DGKB: variants seen among roughly 807,000 people sequenced by gnomAD.
DGKB encodes the protein 90 kDa diacylglycerol kinase.
A neutral mutation model predicts 114.3 loss-of-function variants in DGKB; 67 were observed. The ratio of observed to expected loss-of-function variants is 0.59; its 90% CI spans 0.48 to 0.72. The LOEUF is 0.72. DGKB is among the 30% of genes least tolerant of loss of function. The pLI is 0.00. For missense variants in DGKB, 907 were observed against 975.2 expected, an observed-to-expected ratio of 0.93 and a Z score of 0.93; for synonymous variants, 398 against 323.1, an observed-to-expected ratio of 1.23 and a Z score of -2.49.
chr7:14,646,575 T>G (rs143178297), intron 13 of DGKB, among the ~76,000 whole-genome samples: 1 of 152,166 alleles, frequency 6.6e-6, no homozygotes. Flanking sequence ...TTTGCAAGGA[T>G]AGACTGTATC....
chr7:14,279,379 C>A (rs925032316), intron 23 of DGKB, among the ~76,000 whole-genome samples: 1 of 152,070 alleles, frequency 6.6e-6, no homozygotes, highest in Non-Finnish European at 1.5e-5. Context: ...TGGAGCCCAC[C>A]ACAGCTCAAG....
chr7:14,198,021 G>T (rs1785271365), intron 23 of DGKB, among the ~76,000 whole-genome samples: 2 of 152,022 alleles, frequency 1.3e-5, no homozygotes, highest in African/African-American at 4.8e-5. Flanking sequence ...TGAAAGAATT[G>T]AGTTATTCAG....
At chr7:14,954,282 T>C (rs2128262100) in intron 1 of DGKB, among the ~76,000 whole-genome samples, 1 of 152,152 alleles carries the variant, frequency 6.6e-6, no homozygotes, top group South Asian at 2.1e-4. Flanking sequence ...AAGAACAGTC[T>C]CTTGGTAAAG....
intron 2 of DGKB, among the ~76,000 whole-genome samples, chr7:14,806,997 C>T (rs1842862088): frequency 1.3e-5 from 2 of 151,850 alleles, no homozygotes; most frequent in Non-Finnish European, 1.5e-5. Context: ...ATTCATCTAT[C>T]ACTGCTGGAG....
At chr7:14,577,691 T>C (rs1326195432) in intron 19 of DGKB, among the ~76,000 whole-genome samples, 1 of 152,178 alleles carries the variant, frequency 6.6e-6, no homozygotes, top group African/African-American at 2.4e-5. Context: ...TTCCTTGCAA[T>C]TAAATTTTTG....
At chr7:14,286,330 A>G (rs984399141) in intron 23 of DGKB, among the ~76,000 whole-genome samples, 4 of 152,144 alleles carry the variant, frequency 2.6e-5, no homozygotes, top group South Asian at 2.1e-4. Context: ...AAGACACGCC[A>G]TATAGCTTCA....
At chr7:14,678,421 G>A (rs1223790080) in intron 12 of DGKB, among the ~76,000 whole-genome samples, 2 of 151,992 alleles carry the variant, frequency 1.3e-5, no homozygotes, top group Admixed American at 6.6e-5. Context: ...GGTATGATTA[G>A]AATTTAAGAC....
intron 4 of DGKB, among the ~76,000 whole-genome samples, chr7:14,737,169 G>C (rs907252459): frequency 1.3e-5 from 2 of 151,956 alleles, no homozygotes; most frequent in South Asian, 4.2e-4. Flanking sequence ...GTTCTATCCA[G>C]TAGGGCATTT....
Position 14,718,640 on chromosome 7 carries a change from G to C in DGKB, c.368C>G (p.Ser123Cys), listed in dbSNP as rs186010649. 1.9e-6 allele frequency: 3 copies of C among 1,612,518 alleles called. No individual in the cohort carries two copies. In the East Asian group the frequency reaches 6.7e-5, roughly 36 times the overall value. ...TTCTGGGGAACACGTATTTGCAGGA[G>C]AAGTAGTCCGGGGAGGGGTGATGGC... The part of the protein sequence containing the change: ...KGAITPPRTT[S>C]PANTCSPEVI... The change falls in exon 6 of 26, where the codon TCT becomes TGT. Residue 123 changes from serine (S) to cysteine (C), a missense_variant. This residue lies in a region of DGKB where 814 missense variants were observed against 856.6 expected (regional missense o/e 0.95). Transcript: ENST00000402815.
chr7:14,420,570 G>C (rs1466317644), intron 21 of DGKB, among the ~76,000 whole-genome samples: 2 of 151,908 alleles, frequency 1.3e-5, no homozygotes, highest in South Asian at 4.1e-4. Flanking sequence ...TAAATCATCA[G>C]AGTAGACTTA....
At chr7:14,825,016 G>GCATA (rs1845473424) in intron 2 of DGKB, among the ~76,000 whole-genome samples, 1 of 92,382 alleles carries the variant, frequency 1.1e-5, no homozygotes, top group Non-Finnish European at 2.4e-5. Context: ...GTATGTGTAT[G>GCATA]TATATATATA....
At chr7:14,662,749 GA>G (rs1187046058) in intron 13 of DGKB, among the ~76,000 whole-genome samples, 7 of 151,312 alleles carry the variant, frequency 4.6e-5, no homozygotes, top group South Asian at 2.1e-4. Flanking sequence ...TTAAAAAGGT[GA>G]AAAAAAAACC....
At chr7:14,261,264 C>T (rs182040559) in intron 23 of DGKB, among the ~76,000 whole-genome samples, 1 of 150,282 alleles carries the variant, frequency 6.7e-6, no homozygotes, top group East Asian at 1.9e-4. Flanking sequence ...AAAAGCCAAA[C>T]TATAAATGTT....
chr7:14,697,996 AAAAAG>A (rs1585753607), intron 8 of DGKB, 94 bp downstream of exon 8: 2 of 656,798 alleles, frequency 3.0e-6, no homozygotes, highest in South Asian at 1.8e-5. Context: ...AGAGAAAGAA[AAAAAG>A]AAAGAAAGAA....
At position 14,442,859 on chromosome 7, in the gene DGKB, T is replaced by C. The variant is rs138574173; in HGVS notation, c.1835+35302A>G. Among the ~76,000 whole-genome samples the C allele has an allele frequency of 3.2e-3, 482 of 152,236 alleles. 2 individuals carry two copies. The highest frequency in any genetic ancestry group is 0.011 in the African/African-American group (457 of 41,564). On this transcript the variant is annotated intron_variant, in intron 21 of 25. Coordinates refer to ENST00000402815, the MANE Select transcript of DGKB (RefSeq NM_001350709.2). ...CTGTGCCCCACTCTATGCCATATGA[T>C]TTTTTAAATCTATAATGTACATATG...
At chr7:14,427,981 A>C (rs1182292042) in intron 21 of DGKB, among the ~76,000 whole-genome samples, 1 of 152,058 alleles carries the variant, frequency 6.6e-6, no homozygotes, top group Non-Finnish European at 1.5e-5. Context: ...CTGTTTATAC[A>C]GTTTGTTTCT....
At chr7:14,276,924 T>G (rs970716603) in intron 23 of DGKB, among the ~76,000 whole-genome samples, 2 of 152,068 alleles carry the variant, frequency 1.3e-5, no homozygotes, top group Non-Finnish European at 2.9e-5. Context: ...ATGTGATGAT[T>G]TGACATATGT....
At chr7:14,403,541 C>G (rs542393272) in intron 21 of DGKB, among the ~76,000 whole-genome samples, 2 of 151,808 alleles carry the variant, frequency 1.3e-5, no homozygotes, top group Non-Finnish European at 2.9e-5. Context: ...ACCCCAAATG[C>G]AAGGCCTTTT....
intron 20 of DGKB, among the ~76,000 whole-genome samples, chr7:14,544,199 A>G (rs1006696098): frequency 1.3e-5 from 2 of 152,294 alleles, no homozygotes; most frequent in African/African-American, 2.4e-5. Flanking sequence ...TGTTCTGTTT[A>G]TAAGATAAAG....
Sources: allele counts gnomAD v4.1 joint callset (sites outside exome capture counted in the v4.1 genomes callset), GRCh38; gene constraint gnomAD v4.1.1; regional missense constraint gnomAD v4.1.1; transcripts MANE v1.5; gene names NCBI Gene and HGNC (gene_info 2026-07-23, HGNC 2026-07-21).